Variants in SYNJ1 observed in about 807,000 individuals in gnomAD.
SYNJ1 encodes the protein polyphosphatidylinositol phosphatase SYNJ1.
In SYNJ1, 78 loss-of-function variants were observed where a neutral mutation model predicts 168.2. That is an observed-to-expected ratio of 0.46 (90% CI 0.39 to 0.56). SYNJ1 has a LOEUF of 0.56. SYNJ1 is among the 20% of genes least tolerant of loss of function. SYNJ1 has a pLI of 0.00. For missense variants in SYNJ1, 1,303 were observed against 1,597.6 expected (o/e 0.82, Z 3.14); for synonymous variants, 539 against 548.6 (o/e 0.98, Z 0.24).
chr21:32,634,444 A>G (rs2039471114), intron 32 of SYNJ1, among the ~76,000 whole-genome samples: 1 of 152,166 alleles, frequency 6.6e-6, no homozygotes, highest in Non-Finnish European at 1.5e-5. Flanking sequence ...TCTTGCTACT[A>G]AAACCATTTG....
Position 32,666,505 on chromosome 21 carries a change from A to G in SYNJ1, c.1880T>C (p.Leu627Pro), listed in dbSNP as rs1425713908. 6.8e-6 allele frequency: 11 copies of G among 1,614,074 alleles called. No homozygotes were observed. The highest frequency in any genetic ancestry group is 1.3e-5 in the African/African-American group (1 of 74,942). Residue 627 changes from leucine (L) to proline (P), a missense_variant, in exon 16 of 33, where the codon CTG becomes CCG. Around this residue, in one of 2 missense-constraint regions of SYNJ1, gnomAD observed 920 missense variants for 1,208.8 expected, o/e 0.76. Coordinates refer to ENST00000674351, the MANE Select transcript of SYNJ1 (RefSeq NM_203446.3). ...KTISRDNKYVLLASEQLVGVC... is the reference protein window; with the variant it reads ...KTISRDNKYVPLASEQLVGVC... ...GCCCACCAACTGTTCAGAAGCCAGC[A>G]GCACATACTTGTTGTCTCTGGAGAT...
chr21:32,688,363 C>T lies in SYNJ1; in HGVS notation c.794G>A (p.Gly265Glu). 1.2e-6 allele frequency: 2 copies of T among 1,613,166 alleles called. No individual in the cohort carries two copies. Among genetic ancestry groups the T allele is most frequent in the Admixed American group, 1.7e-5 (1 of 59,868 alleles). ...LFWEQPGLQVGSHRVRMSRGF... is the reference protein window; with the variant it reads ...LFWEQPGLQVESHRVRMSRGF... ...CCTTGACATACGGACACGATGAGATCCCACCTTAGACAAGAAAAATATATT... is the reference window on the plus strand; with the variant it reads ...CCTTGACATACGGACACGATGAGATTCCACCTTAGACAAGAAAAATATATT... The change falls in exon 7 of 33, where the codon GGA becomes GAA. Residue 265 changes from glycine to glutamate, a missense_variant. Around this residue, in one of 2 missense-constraint regions of SYNJ1, gnomAD observed 920 missense variants for 1,208.8 expected, o/e 0.76. Transcript: ENST00000674351.
At chr21:32,726,670 A>G in intron 2 of SYNJ1, 102 bp downstream of exon 2, 2 of 1,404,504 alleles carry the variant, frequency 1.4e-6, no homozygotes, top group African/African-American at 1.4e-5. Flanking sequence ...GAGGAAATAC[A>G]GTGAAAGGGT....
chr21:32,665,967 T>C lies in SYNJ1; in HGVS notation c.2121A>G (p.Ile707Met). The C allele has an allele frequency of 6.2e-7, 1 of 1,610,708 alleles. No individual in the cohort carries two copies. Among genetic ancestry groups the C allele is most frequent in the South Asian group, 1.1e-5 (1 of 90,352 alleles). The change falls in exon 17 of 33, where the codon ATA (isoleucine) becomes ATG (methionine). Residue 707 changes from isoleucine to methionine, a missense_variant. Physicochemically the swap from Ile to Met is conservative, Grantham distance 10. Around this residue, in one of 2 missense-constraint regions of SYNJ1, gnomAD observed 920 missense variants for 1,208.8 expected, o/e 0.76. Coordinates refer to ENST00000674351, the MANE Select transcript of SYNJ1 (RefSeq NM_203446.3). ...VKERNEDFIE[I>M]ARKLSFPMGR... is the part of the protein sequence containing the mutation. ...CCATAGGAAAACTCAATTTTCGTGC[T>C]ATTTCTATAAAATCTTCATTTCTTT...
intron 2 of SYNJ1, among the ~76,000 whole-genome samples, chr21:32,725,894 G>A (rs1306559170): frequency 1.3e-5 from 2 of 151,964 alleles, no homozygotes; most frequent in African/African-American, 2.4e-5. Flanking sequence ...AAGCTGGAGC[G>A]CAGTGGCGAG....
At chr21:32,654,456 T>G (rs2040389182) in intron 21 of SYNJ1, among the ~76,000 whole-genome samples, 2 of 152,196 alleles carry the variant, frequency 1.3e-5, no homozygotes, top group Non-Finnish European at 2.9e-5. Context: ...CGAAGGTATC[T>G]TTTTCAGATT....
intron 32 of SYNJ1, among the ~76,000 whole-genome samples, chr21:32,632,631 C>T (rs2039384671): frequency 6.6e-6 from 1 of 152,146 alleles, no homozygotes; most frequent in South Asian, 2.1e-4. Context: ...GGCAATCTGC[C>T]CACCTTAGCC....
At chr21:32,665,880 A>G in intron 17 of SYNJ1, 63 bp downstream of exon 17, 1 of 1,455,982 alleles carries the variant, frequency 6.9e-7, no homozygotes, top group Non-Finnish European at 9.1e-7. Context: ...TTGATGTAGA[A>G]TTTGGGGCAA....
At chr21:32,725,553 C>T (rs1399840498) in intron 2 of SYNJ1, among the ~76,000 whole-genome samples, 2 of 152,122 alleles carry the variant, frequency 1.3e-5, no homozygotes, top group African/African-American at 4.8e-5. Context: ...TAAGACTTTT[C>T]ATTATGTCAC....
chr21:32,653,653 C>A, intron 21 of SYNJ1: 1 of 273,748 alleles, frequency 3.7e-6, no homozygotes, highest in African/African-American at 2.2e-5. Flanking sequence ...TCCTCCATTT[C>A]ATTGACAAGG....
intron 2 of SYNJ1, among the ~76,000 whole-genome samples, chr21:32,717,957 C>G (rs532412163): frequency 1.3e-5 from 2 of 152,292 alleles, no homozygotes; most frequent in South Asian, 4.1e-4. Flanking sequence ...TTCATAAAAC[C>G]CACCTCATTT....
At chr21:32,718,830 TTTG>T (rs1162937727) in intron 2 of SYNJ1, among the ~76,000 whole-genome samples, 1 of 152,220 alleles carries the variant, frequency 6.6e-6, no homozygotes, top group Non-Finnish European at 1.5e-5. Context: ...ATGTTAATAG[TTTG>T]TAGGGAAAAA....
In SYNJ1 at chr21:32,727,996, G is replaced by C. The variant is rs772641102; in HGVS notation, c.-73C>G. 5.9e-6 allele frequency: 9 copies of C among 1,535,964 alleles called. No individual in the cohort carries two copies. The South Asian group carries it at 7.1e-5, about 12-fold the overall frequency. ...TTCTCCCGCAGCCGCCGCCACAGCC[G>C]CCGGGAGCGTCACTTCCGCTCCAGC... On this transcript the variant is annotated 5_prime_UTR_variant, in exon 1 of 33. Coordinates refer to ENST00000674351, the MANE Select transcript of SYNJ1 (RefSeq NM_203446.3).
At chr21:32,659,878 G>A (rs1346907122) in intron 18 of SYNJ1, among the ~76,000 whole-genome samples, 4 of 152,200 alleles carry the variant, frequency 2.6e-5, no homozygotes, top group Non-Finnish European at 4.4e-5. Flanking sequence ...GGTCAAGGCA[G>A]CCCCTTAGGT....
At chr21:32,713,672 G>C (rs897510181) in intron 2 of SYNJ1, among the ~76,000 whole-genome samples, 3 of 149,402 alleles carry the variant, frequency 2.0e-5, no homozygotes, top group African/African-American at 7.4e-5. Context: ...CAACATGGAT[G>C]ATTTCCCATA....
intron 11 of SYNJ1, among the ~76,000 whole-genome samples, chr21:32,681,211 ATG>A (rs775806038): frequency 3.3e-5 from 5 of 152,240 alleles, no homozygotes; most frequent in Admixed American, 6.5e-5. Context: ...AAGGGAAATC[ATG>A]AAAAAAAGAG....
intron 12 of SYNJ1, among the ~76,000 whole-genome samples, chr21:32,678,382 T>C (rs1569081414): frequency 6.6e-6 from 1 of 152,282 alleles, no homozygotes; most frequent in East Asian, 1.9e-4. Flanking sequence ...AAGTTAACAA[T>C]GCTTAATTAT....
At chr21:32,640,106 C>G (rs1024164619) in intron 29 of SYNJ1, among the ~76,000 whole-genome samples, 1 of 151,970 alleles carries the variant, frequency 6.6e-6, no homozygotes, top group Admixed American at 6.5e-5. Context: ...TACAACTTGC[C>G]CAAAGCCACA....
intron 3 of SYNJ1, among the ~76,000 whole-genome samples, chr21:32,700,614 C>T (rs1182518104): frequency 6.6e-6 from 1 of 152,126 alleles, no homozygotes; most frequent in Non-Finnish European, 1.5e-5. Context: ...AAGATCACAC[C>T]ATTGCACTCC....
Sources: allele counts gnomAD v4.1 joint callset (sites outside exome capture counted in the v4.1 genomes callset), GRCh38; gene constraint gnomAD v4.1.1; regional missense constraint gnomAD v4.1.1; transcripts MANE v1.5; gene names NCBI Gene and HGNC (gene_info 2026-07-23, HGNC 2026-07-21).